The following DLGAP2 variants were observed in gnomAD, a reference collection of about 807,000 sequenced individuals.
The protein encoded by DLGAP2 is disks large-associated protein 2.
A neutral mutation model predicts 100.3 loss-of-function variants in DLGAP2; 26 were observed. The ratio of observed to expected loss-of-function variants is 0.26; its 90% CI spans 0.19 to 0.36. DLGAP2 has a LOEUF of 0.36. Among genes scored for constraint, DLGAP2 ranks in the 10% least tolerant of loss-of-function variants. DLGAP2 has a pLI of 1.00. For missense variants in DLGAP2, 1,858 were observed against 1,453.2 expected (o/e 1.28, Z -4.53); for synonymous variants, 886 against 630.1 (o/e 1.41, Z -6.08).
chr8:1,182,283 C>G (rs958926803), intron 2 of DLGAP2, among the ~76,000 whole-genome samples: 2 of 152,258 alleles, frequency 1.3e-5, no homozygotes, highest in African/African-American at 4.8e-5. Context: ...GAGAAAAGGG[C>G]AAAGCTGTGT....
chr8:838,215 C>G (rs1796918494), intron 1 of DLGAP2, among the ~76,000 whole-genome samples: 1 of 151,956 alleles, frequency 6.6e-6, no homozygotes, highest in Non-Finnish European at 1.5e-5. Flanking sequence ...CCCTTTGTTC[C>G]TTTTAAGTTC....
intron 3 of DLGAP2, among the ~76,000 whole-genome samples, chr8:1,373,359 C>A (rs1399235167): frequency 1.3e-5 from 2 of 151,950 alleles, no homozygotes; most frequent in African/African-American, 4.8e-5. Context: ...GGACCGTGGC[C>A]GCAGGTTGGG....
chr8:1,232,542 A>T (rs1204505159), intron 2 of DLGAP2, among the ~76,000 whole-genome samples: 1 of 152,208 alleles, frequency 6.6e-6, no homozygotes, highest in Admixed American at 6.5e-5. Flanking sequence ...GCTGAGGCTC[A>T]ATGTGGTGAT....
chr8:918,192 C>T (rs1205425247), intron 2 of DLGAP2, among the ~76,000 whole-genome samples: 1 of 152,144 alleles, frequency 6.6e-6, no homozygotes, highest in Non-Finnish European at 1.5e-5. Flanking sequence ...GGTCTGTGTG[C>T]AGGAGACTGG....
intron 3 of DLGAP2, among the ~76,000 whole-genome samples, chr8:1,366,962 AAC>A (rs1285429630): frequency 2.0e-5 from 3 of 151,970 alleles, no homozygotes; most frequent in African/African-American, 7.3e-5. Flanking sequence ...CAACCCCTCC[AAC>A]ACACACGCAC....
intron 2 of DLGAP2, chr8:1,019,768 G>T (rs1394081563): frequency 6.6e-6 from 1 of 152,272 alleles, no homozygotes; most frequent in South Asian, 2.1e-4. Flanking sequence ...CCCTCCCGCC[G>T]ACCTAGCACC....
intron 1 of DLGAP2, among the ~76,000 whole-genome samples, chr8:817,864 G>A (rs995616417): frequency 6.6e-6 from 1 of 152,228 alleles, no homozygotes; most frequent in South Asian, 2.1e-4. Context: ...TCCGGCGGAG[G>A]GGGCAGGGGA....
chr8:1,472,275 T>G (rs866467053), intron 3 of DLGAP2, among the ~76,000 whole-genome samples: 10 of 152,252 alleles, frequency 6.6e-5, no homozygotes, highest in African/African-American at 2.4e-4. Flanking sequence ...GTGCACCAGA[T>G]GCAGGGCCGG....
intron 2 of DLGAP2, among the ~76,000 whole-genome samples, chr8:1,005,962 G>A (rs553712415): frequency 1.0e-3 from 152 of 152,166 alleles, no homozygotes; most frequent in African/African-American, 3.4e-3. Context: ...CTGCTGAGGC[G>A]GGCAAATCAC....
intron 4 of DLGAP2, among the ~76,000 whole-genome samples, chr8:1,541,669 C>A (rs1438805210): frequency 1.3e-5 from 2 of 152,222 alleles, no homozygotes; most frequent in African/African-American, 4.8e-5. Flanking sequence ...GGTTCTAGAA[C>A]CTCTGCCAGC....
intron 2 of DLGAP2, among the ~76,000 whole-genome samples, chr8:1,051,707 T>G (rs1414395422): frequency 6.6e-6 from 1 of 152,086 alleles, no homozygotes; most frequent in Non-Finnish European, 1.5e-5. Flanking sequence ...AAGCTGCTTC[T>G]TCTCATGCAG....
chr8:877,463 A>G (rs575170774), intron 1 of DLGAP2, among the ~76,000 whole-genome samples: 2 of 152,322 alleles, frequency 1.3e-5, no homozygotes, highest in South Asian at 4.1e-4. Context: ...TGGTATGGGC[A>G]GGCTTTCTTC....
At chr8:1,241,495 T>G (rs754145052) in intron 2 of DLGAP2, among the ~76,000 whole-genome samples, 3 of 152,232 alleles carry the variant, frequency 2.0e-5, no homozygotes, top group Non-Finnish European at 4.4e-5. Flanking sequence ...CTGCAGTTAC[T>G]CTCGGAGGCC....
rs1238964938 is a variant in DLGAP2 at position 1,430,017 on chromosome 8, TATATATATATACAC to T, written c.107-71347_107-71334del. ...AGATGCATATATATACATATATATA[TATATATATATACAC>T]ACACACACATATGAACTTAGAATTC... On this transcript the variant is annotated intron_variant, in intron 3 of 14. Transcript: ENST00000637795. 3.1e-3 allele frequency among the ~76,000 whole-genome samples: 286 copies of T among 92,532 alleles called. 15 individuals carry two copies. The highest frequency in any genetic ancestry group is 0.011 in the African/African-American group (244 of 23,122). 60.7% of individuals were successfully genotyped at this position (92,532 alleles called of 152,430 possible).
At chr8:891,142 T>G (rs550048598) in intron 1 of DLGAP2, 1 of 150,876 alleles carries the variant, frequency 6.6e-6, no homozygotes, top group African/African-American at 2.5e-5. Context: ...CCCCCCCCAG[T>G]TGCCAAGGCC....
chr8:1,314,590 T>C (rs1800686024), intron 3 of DLGAP2, among the ~76,000 whole-genome samples: 1 of 152,176 alleles, frequency 6.6e-6, no homozygotes, highest in African/African-American at 2.4e-5. Context: ...TGTCACCGCC[T>C]CTCAGGTGTG....
In DLGAP2 at chr8:905,391, G is replaced by A. The variant is rs1193452267; in HGVS notation, c.19-2521G>A. Among the ~76,000 whole-genome samples the A allele has an allele frequency of 3.3e-5, 5 of 152,262 alleles. 1 individual carries two copies. In the South Asian group the frequency reaches 6.2e-4, roughly 19 times the overall value. ...TGCACAGCTGCCCCGGGAACCCCAT[G>A]ACTGGCTTGTGGGATCATTCGTCAT... On this transcript the variant is annotated intron_variant, in intron 1 of 14. Transcript: ENST00000637795.
At chr8:875,329 C>A (rs1351357337) in intron 1 of DLGAP2, among the ~76,000 whole-genome samples, 1 of 151,990 alleles carries the variant, frequency 6.6e-6, no homozygotes, top group Non-Finnish European at 1.5e-5. Flanking sequence ...GACTGTGTCC[C>A]CACCCAAATC....
intron 6 of DLGAP2, among the ~76,000 whole-genome samples, chr8:1,599,046 C>G (rs149850402): frequency 0.023 from 3,437 of 152,280 alleles, 120 homozygotes; most frequent in African/African-American, 0.077. Flanking sequence ...AGCTGTGTCC[C>G]AGAGATTCTG....
Sources: gnomAD v4.1 joint callset for allele counts (sites outside exome capture counted in the v4.1 genomes callset) on GRCh38, gnomAD v4.1.1 for gene constraint, MANE v1.5 for transcripts, NCBI Gene and HGNC (gene_info 2026-07-23, HGNC 2026-07-21) for gene names.